The following NBEA variants were observed in gnomAD, a reference collection of about 807,000 sequenced individuals.
The protein encoded by NBEA is neurobeachin, also known as lysosomal-trafficking regulator 2.
NBEA carries 44 observed loss-of-function variants against 343.4 expected under a neutral mutation model. That is an observed-to-expected ratio of 0.13 (90% CI 0.10 to 0.16). The LOEUF (loss-of-function observed/expected upper bound fraction) is 0.16, where lower values mean the gene tolerates loss of function less well. Ranked by LOEUF, NBEA falls within the 10% of genes least tolerant of loss-of-function variation. The pLI, the probability that NBEA is intolerant of heterozygous loss-of-function variation, is 1.00. For missense variants in NBEA, 2,555 were observed against 3,631.3 expected (o/e 0.70, Z 7.62); for synonymous variants, 1,175 against 1,238.7 (o/e 0.95, Z 1.08).
At chr13:35,665,013 A>G in intron 55 of NBEA, 72 bp from the exon 56 acceptor site, 1 of 1,007,332 alleles carries the variant, frequency 9.9e-7, no homozygotes, top group Non-Finnish European at 1.5e-6. Context: ...TTTTTTGAAT[A>G]TTGCATTGCT....
chr13:35,040,819 C>A, intron 1 of NBEA, 114 bp from the exon 2 acceptor site: 2 of 844,230 alleles, frequency 2.4e-6, no homozygotes, highest in East Asian at 2.5e-5. Flanking sequence ...AATTTTATAC[C>A]AGAATCCTTG....
chr13:35,039,920 A>G (rs1270089044), intron 1 of NBEA, among the ~76,000 whole-genome samples: 2 of 152,270 alleles, frequency 1.3e-5, no homozygotes, highest in East Asian at 1.9e-4. Context: ...AAAGTAATGT[A>G]TGCATACATA....
intron 1 of NBEA, among the ~76,000 whole-genome samples, chr13:34,982,068 A>T (rs765322053): frequency 4.0e-5 from 6 of 151,690 alleles, no homozygotes; most frequent in Non-Finnish European, 7.4e-5. Context: ...TTTTTATTTT[A>T]TTAATTTATG....
intron 30 of NBEA, among the ~76,000 whole-genome samples, chr13:35,194,654 ATTAAG>A (rs1332541555): frequency 6.6e-6 from 1 of 152,102 alleles, no homozygotes; most frequent in Non-Finnish European, 1.5e-5. Context: ...ATTCAAAACG[ATTAAG>A]TTAAGGACTG....
chr13:35,209,127 G>C (rs1016429051), intron 32 of NBEA, among the ~76,000 whole-genome samples: 1 of 152,048 alleles, frequency 6.6e-6, no homozygotes, highest in Non-Finnish European at 1.5e-5. Context: ...AAAGATATTT[G>C]GGGAGCAGAA....
At chr13:35,438,970 G>A (rs184802707) in intron 39 of NBEA, among the ~76,000 whole-genome samples, 2 of 152,352 alleles carry the variant, frequency 1.3e-5, no homozygotes, top group Admixed American at 1.3e-4. Flanking sequence ...CAGAGGACTT[G>A]TGTAACTTTA....
chr13:35,252,229 G>A (rs901537233), intron 34 of NBEA, among the ~76,000 whole-genome samples: 1 of 152,072 alleles, frequency 6.6e-6, no homozygotes, highest in Non-Finnish European at 1.5e-5. Flanking sequence ...AAGGAGGATC[G>A]CCAAGCAAAG....
chr13:35,623,489 CTTTG>C (rs1381194407), intron 48 of NBEA, among the ~76,000 whole-genome samples: 1 of 152,058 alleles, frequency 6.6e-6, no homozygotes, highest in Non-Finnish European at 1.5e-5. Context: ...ATCGACAAGA[CTTTG>C]TTTAACCTCT....
chr13:35,179,642 C>T (rs941868700), intron 28 of NBEA: 7 of 286,034 alleles, frequency 2.4e-5, no homozygotes, highest in Non-Finnish European at 3.7e-5. Context: ...TTATTTACAG[C>T]GCTGCCACTG....
chr13:35,547,690 C>T (rs1357053133), intron 41 of NBEA, among the ~76,000 whole-genome samples: 2 of 152,100 alleles, frequency 1.3e-5, no homozygotes, highest in Non-Finnish European at 1.5e-5. Flanking sequence ...GAGTTCGAGA[C>T]CAGCCTGGCC....
chr13:35,109,467 T>A, intron 12 of NBEA, 25 bp downstream of exon 12: 1 of 1,566,162 alleles, frequency 6.4e-7, no homozygotes, highest in Non-Finnish European at 8.6e-7. Context: ...CTTATTCAGT[T>A]TGATTTAGTG....
intron 1 of NBEA, among the ~76,000 whole-genome samples, chr13:34,961,934 T>C (rs1235070810): frequency 6.6e-6 from 1 of 152,048 alleles, no homozygotes; most frequent in Non-Finnish European, 1.5e-5. Flanking sequence ...GCACACTTAA[T>C]TTTGAGGGCT....
rs2075850922 is a variant in NBEA at position 35,476,097 on chromosome 13, T to G, written c.6585+3561T>G. The G allele has an allele frequency of 9.9e-6, 16 of 1,614,230 alleles. No homozygotes were observed. In the East Asian group the frequency reaches 3.6e-4, roughly 36 times the overall value. Reference sequence around the variant, plus strand: ...TGGCTTGGCATTTTTCGTTGTAGTATTTATTCAGATGGTAGACCAGCTTGG... The same window carrying G: ...TGGCTTGGCATTTTTCGTTGTAGTAGTTATTCAGATGGTAGACCAGCTTGG... On this transcript the variant is annotated intron_variant, in intron 41 of 58. Coordinates refer to ENST00000379939, the MANE Select transcript of NBEA (RefSeq NM_001385012.1).
rs972858837 is a variant in NBEA, at chr13:35,089,323, T to G, written c.1572-8974T>G. ...CACATGAAAAAATGCTCATCATCAC[T>G]GGCCATCAGAGAAATGCAAATCAAA... On this transcript the variant is annotated intron_variant, in intron 10 of 58. Transcript: ENST00000379939. Among the ~76,000 whole-genome samples the G allele has an allele frequency of 3.3e-5, 5 of 150,668 alleles. No individual in the cohort carries two copies. The Admixed American group carries it at 3.3e-4, about 10-fold the overall frequency.
chr13:35,629,514 C>T (rs1021754655), intron 49 of NBEA, among the ~76,000 whole-genome samples: 1 of 152,062 alleles, frequency 6.6e-6, no homozygotes. Context: ...TCTGAGAACA[C>T]GTTGCAAGCG....
intron 36 of NBEA, among the ~76,000 whole-genome samples, chr13:35,336,452 G>T (rs2039267825): frequency 6.6e-6 from 1 of 152,096 alleles, no homozygotes. Flanking sequence ...AGCTATTGCG[G>T]AAAGTAGCGT....
chr13:35,393,469 A>G (rs1258423068), intron 38 of NBEA, among the ~76,000 whole-genome samples: 2 of 152,140 alleles, frequency 1.3e-5, no homozygotes, highest in Non-Finnish European at 2.9e-5. Context: ...TTTTTTCTTT[A>G]AAGTGTTTTA....
At chr13:35,093,691 A>G (rs994898948) in intron 10 of NBEA, among the ~76,000 whole-genome samples, 1 of 151,968 alleles carries the variant, frequency 6.6e-6, no homozygotes, top group African/African-American at 2.4e-5. Flanking sequence ...AGTTCTCCTT[A>G]GGGGTTAGGA....
Position 35,136,643 on chromosome 13 carries a change from ATT to A in NBEA, c.2337-5624_2337-5623del, listed in dbSNP as rs931133624. On this transcript the variant is annotated intron_variant, in intron 17 of 58. Coordinates refer to ENST00000379939, the MANE Select transcript of NBEA (RefSeq NM_001385012.1). ...AAGAAGTACTTTCAAATGGTTAAAC[ATT>A]TGGCTGGCCTCAGACTTCTCCCAGT... Among the ~76,000 whole-genome samples the A allele has an allele frequency of 6.1e-4, 93 of 152,374 alleles. 1 individual carries two copies. The highest frequency in any genetic ancestry group is 2.0e-3 in the African/African-American group (85 of 41,592).
Sources: gnomAD v4.1 joint callset for allele counts (sites outside exome capture counted in the v4.1 genomes callset) on GRCh38, gnomAD v4.1.1 for gene constraint, MANE v1.5 for transcripts, NCBI Gene and HGNC (gene_info 2026-07-23, HGNC 2026-07-21) for gene names.